SCIN: variants seen among roughly 807,000 people sequenced by gnomAD.
SCIN encodes scinderin.
A neutral mutation model predicts 91.8 loss-of-function variants in SCIN; 91 were observed. That is an observed-to-expected ratio of 0.99 (90% CI 0.84 to 1.18). The LOEUF (loss-of-function observed/expected upper bound fraction) is 1.18. Ranked by LOEUF, SCIN falls within the 50% of genes most tolerant of loss-of-function variation. SCIN has a pLI of 0.00. For missense variants in SCIN, 1,087 were observed against 863.9 expected (o/e 1.26, Z -3.24); for synonymous variants, 367 against 312.6 (o/e 1.17, Z -1.84).
In SCIN at chr7:12,656,255, A is replaced by G. The variant is rs529361070; in HGVS notation, c.*3540A>G. ...CAGTCATCAAGCAATTCTTGTCCCAATCATTCTCCAAAGCTATATACTGTG... is the reference window on the plus strand; with the variant it reads ...CAGTCATCAAGCAATTCTTGTCCCAGTCATTCTCCAAAGCTATATACTGTG... On this transcript the variant is annotated 3_prime_UTR_variant, in exon 16 of 16. Coordinates refer to ENST00000297029, the MANE Select transcript of SCIN (RefSeq NM_001112706.3). The G allele has an allele frequency of 6.6e-6, 1 of 152,292 alleles. No homozygotes were observed. Among genetic ancestry groups the G allele is most frequent in the South Asian group, 2.1e-4 (1 of 4,818 alleles). 9.4% of individuals were successfully genotyped at this position (152,292 alleles called of 1,614,324 possible).
rs900430180 is a variant in SCIN, at chr7:12,654,542, A to C, written c.*1827A>C. The C allele has an allele frequency of 7.9e-5, 12 of 152,188 alleles. No individual in the cohort carries two copies. Among genetic ancestry groups the C allele is most frequent in the Admixed American group, 3.3e-4 (5 of 15,278 alleles). The allele number at this position is 152,188 out of a possible 1,614,324, so 9.4% of individuals were successfully genotyped here. On this transcript the variant is annotated 3_prime_UTR_variant, in exon 16 of 16. Coordinates refer to ENST00000297029, the MANE Select transcript of SCIN (RefSeq NM_001112706.3). ...AATTGAGTGAAAAATAATTTTTAAA[A>C]ATATTTATAAATATCTTCTGGGTCA...
intron 7 of SCIN, chr7:12,626,139 A>G (rs900932277): frequency 4.5e-5 from 16 of 355,740 alleles, no homozygotes; most frequent in Non-Finnish European, 6.5e-5. Context: ...CTTAAGAGTT[A>G]TTATTCCTTA....
chr7:12,611,639 A>G (rs572559140), intron 4 of SCIN, among the ~76,000 whole-genome samples: 98 of 152,354 alleles, frequency 6.4e-4, no homozygotes, highest in Middle Eastern at 3.4e-3. Flanking sequence ...CGAATGAACC[A>G]AAGAAGTACT....
chr7:12,628,234 C>T lies in SCIN; in HGVS notation c.1198-867C>T, dbSNP rs1157526877. Among the ~76,000 whole-genome samples the T allele has an allele frequency of 9.9e-5, 15 of 152,116 alleles. 1 individual carries two copies. Among genetic ancestry groups the T allele is most frequent in the Admixed American group, 3.9e-4 (6 of 15,254 alleles). On this transcript the variant is annotated intron_variant, in intron 8 of 15. Coordinates refer to ENST00000297029, the MANE Select transcript of SCIN (RefSeq NM_001112706.3). ...CTGCTTTTCTCCCAGCATCACATTTCGGTCTTATTCCTGGATGGCACCTTT... is the reference window on the plus strand; with the variant it reads ...CTGCTTTTCTCCCAGCATCACATTTTGGTCTTATTCCTGGATGGCACCTTT...
intron 3 of SCIN, among the ~76,000 whole-genome samples, chr7:12,599,822 C>T (rs1289265152): frequency 6.6e-6 from 1 of 152,044 alleles, no homozygotes; most frequent in Admixed American, 6.6e-5. Flanking sequence ...ATCTTCTTCT[C>T]AGAACTGTCT....
At chr7:12,632,875 A>G (rs1301671613) in intron 9 of SCIN, among the ~76,000 whole-genome samples, 1 of 152,196 alleles carries the variant, frequency 6.6e-6, no homozygotes, top group Non-Finnish European at 1.5e-5. Context: ...GAAATGTTCA[A>G]CATTTCCATC....
intron 3 of SCIN, among the ~76,000 whole-genome samples, chr7:12,604,243 A>T (rs1432912960): frequency 6.6e-6 from 1 of 152,092 alleles, no homozygotes; most frequent in Non-Finnish European, 1.5e-5. Context: ...AATTTAATCC[A>T]TATGTTTACT....
chr7:12,630,571 G>C (rs1265909323), intron 9 of SCIN, among the ~76,000 whole-genome samples: 1 of 152,336 alleles, frequency 6.6e-6, no homozygotes, highest in South Asian at 2.1e-4. Context: ...TGACGCCACA[G>C]TCAATCCATA....
rs560094665 is a variant in SCIN at position 12,643,575 on chromosome 7, C to G, written c.1582-563C>G. 2.0e-5 allele frequency among the ~76,000 whole-genome samples: 3 copies of G among 152,316 alleles called. No homozygotes were observed. The East Asian group carries it at 5.8e-4, about 29-fold the overall frequency. On this transcript the variant is annotated intron_variant, in intron 11 of 15. Transcript: ENST00000297029. Reference sequence around the variant, plus strand: ...TTAAAACTTCCAACAGCCATTCCTTCCACCTCTAGTGTTCTCTCCTTCAAC... The same window carrying G: ...TTAAAACTTCCAACAGCCATTCCTTGCACCTCTAGTGTTCTCTCCTTCAAC...
At chr7:12,593,532 A>C (rs1782772097) in intron 3 of SCIN, among the ~76,000 whole-genome samples, 1 of 152,188 alleles carries the variant, frequency 6.6e-6, no homozygotes, top group Admixed American at 6.5e-5. Context: ...AAAATAAATA[A>C]AATTTTTTAA....
Position 12,626,674 on chromosome 7 carries a change from A to G in SCIN, c.1072A>G (p.Lys358Glu). The G allele has an allele frequency of 6.4e-7, 1 of 1,572,112 alleles. No homozygotes were observed. The highest frequency in any genetic ancestry group is 1.3e-5 in the African/African-American group (1 of 74,086). The part of the protein sequence containing the change: ...RDKDQSDGFG[K>E]VYVTEKVAQI... The stretch of plus-strand genomic sequence containing the variant: ...TAAAGATCAGAGTGATGGCTTCGGG[A>G]AAGTTTATGTCACAGAGAAAGTGGC... Residue 358 changes from lysine (K) to glutamate (E), a missense_variant, in exon 8 of 16, where the codon AAA (lysine) becomes GAA (glutamate). Physicochemically the swap from Lys to Glu is moderately conservative, Grantham distance 56 (BLOSUM62 1). Transcript: ENST00000297029.
intron 2 of SCIN, among the ~76,000 whole-genome samples, chr7:12,579,365 C>T (rs17166190): frequency 0.02 from 3,066 of 152,248 alleles, 112 homozygotes; most frequent in African/African-American, 0.07. Flanking sequence ...ATTTGATTCA[C>T]AGGAGCTCCT....
rs1021393049 is a variant in SCIN at position 12,651,083 on chromosome 7, A to G, written c.1960-758A>G. Among the ~76,000 whole-genome samples, 1 of 152,234 alleles carries G rather than the reference A, an allele frequency of 6.6e-6. No homozygotes were observed. The highest frequency in any genetic ancestry group is 1.5e-5 in the Non-Finnish European group (1 of 68,040). ...ATATTAATGTTCACAGGAGTCATAC[A>G]GAATGCAAGAACTAAATAAATGGCT... On this transcript the variant is annotated intron_variant, in intron 14 of 15. Coordinates refer to ENST00000297029, the MANE Select transcript of SCIN (RefSeq NM_001112706.3). The surrounding 1 kb of genome is among the most constrained non-coding windows in gnomAD (Gnocchi z 5.9).
intron 3 of SCIN, among the ~76,000 whole-genome samples, chr7:12,595,965 C>T (rs530522864): frequency 1.8e-4 from 28 of 152,208 alleles, no homozygotes; most frequent in African/African-American, 5.1e-4. Flanking sequence ...ATTCGACTGA[C>T]GGGCATAAGG....
At position 12,654,791 on chromosome 7, in the gene SCIN, T is replaced by G. The variant is rs892791249; in HGVS notation, c.*2076T>G. The stretch of plus-strand genomic sequence containing the variant: ...TTGAATGGCAATATCAAAAATGAGA[T>G]CAGCAGCAAGATGATAAGGCAGAAT... On this transcript the variant is annotated 3_prime_UTR_variant, in exon 16 of 16. Transcript: ENST00000297029. 3.9e-5 allele frequency: 6 copies of G among 152,080 alleles called. No individual in the cohort carries two copies. Among genetic ancestry groups the G allele is most frequent in the African/African-American group, 1.4e-4 (6 of 41,402 alleles). 9.4% of individuals were successfully genotyped at this position (152,080 alleles called of 1,614,324 possible).
At chr7:12,588,780 A>T (rs1360792383) in intron 3 of SCIN, 3 of 114,156 alleles carry the variant, frequency 2.6e-5, no homozygotes, top group African/African-American at 1.0e-4. Flanking sequence ...GCTGCAGAGT[A>T]TTCAGGGTAA....
chr7:12,626,676 A>G lies in SCIN; in HGVS notation c.1074A>G (p.Lys358=), dbSNP rs763017497. The G allele has an allele frequency of 1.6e-5, 25 of 1,573,852 alleles. No homozygotes were observed. The highest frequency in any genetic ancestry group is 1.4e-4 in the East Asian group (6 of 42,946). Reference sequence around the variant, plus strand: ...AAGATCAGAGTGATGGCTTCGGGAAAGTTTATGTCACAGAGAAAGTGGCTC... The same window carrying G: ...AAGATCAGAGTGATGGCTTCGGGAAGGTTTATGTCACAGAGAAAGTGGCTC... ...RDKDQSDGFG[K]VYVTEKVAQI... The change falls in exon 8 of 16, where the codon AAA becomes AAG. Residue 358 remains lysine, a synonymous_variant. Transcript: ENST00000297029.
At chr7:12,644,415 G>C in intron 12 of SCIN, 100 bp downstream of exon 12, 7 of 1,453,046 alleles carry the variant, frequency 4.8e-6, no homozygotes, top group Non-Finnish European at 6.5e-6. Context: ...TGGCTTATAA[G>C]GGTTAACAAT....
Position 12,640,369 on chromosome 7 carries a change from A to T in SCIN, c.1433A>T (p.Glu478Val), listed in dbSNP as rs780496112. ...AVQIRVSQGK[E>V]PVHLLSLFKD... ...CAGATCCGAGTCTCCCAAGGCAAAG[A>T]GCCTGTTCACCTACTGAGTTTGTTC... Residue 478 changes from glutamate to valine, a missense_variant, in exon 11 of 16, where the codon GAG becomes GTG. Physicochemically the swap from Glu to Val is moderately radical, Grantham distance 121. Coordinates refer to ENST00000297029, the MANE Select transcript of SCIN (RefSeq NM_001112706.3). 1 of 1,605,366 alleles carries T rather than the reference A, an allele frequency of 6.2e-7. No individual in the cohort carries two copies. Among genetic ancestry groups the T allele is most frequent in the Non-Finnish European group, 8.5e-7 (1 of 1,176,196 alleles).
Sources: gnomAD v4.1 joint callset for allele counts (sites outside exome capture counted in the v4.1 genomes callset) on GRCh38, gnomAD v4.1.1 for gene constraint, Gnocchi (gnomAD v3.1) non-coding constraint, MANE v1.5 for transcripts, NCBI Gene and HGNC (gene_info 2026-07-23, HGNC 2026-07-21) for gene names.